PCDHA7: variants seen among roughly 807,000 people sequenced by gnomAD.
PCDHA7 encodes protocadherin alpha 7, also known as protocadherin alpha-7.
A neutral mutation model predicts 57.2 loss-of-function variants in PCDHA7; 37 were observed. The ratio of observed to expected loss-of-function variants is 0.65; its 90% CI spans 0.50 to 0.85. The LOEUF is 0.85. Ranked by LOEUF, PCDHA7 falls within the 40% of genes least tolerant of loss-of-function variation. The pLI, the probability that PCDHA7 is intolerant of heterozygous loss-of-function variation, is 0.00. For missense variants in PCDHA7, 1,188 were observed against 1,241.8 expected (o/e 0.96, Z 0.65); for synonymous variants, 553 against 558.8 (o/e 0.99, Z 0.15).
chr5:140,884,514 C>T (rs368331245), intron 1 of PCDHA7: 3 of 1,614,176 alleles, frequency 1.9e-6, no homozygotes, highest in African/African-American at 1.3e-5. Context: ...GGGAGTTGGT[C>T]GTACTCGCAG....
chr5:140,972,478 AC>A (rs2096537655), intron 1 of PCDHA7, among the ~76,000 whole-genome samples: 2 of 151,866 alleles, frequency 1.3e-5, no homozygotes, highest in Admixed American at 1.3e-4. Flanking sequence ...TCAGCATTTA[AC>A]CCCAGACTCT....
chr5:140,995,449 A>G (rs1279825778), intron 3 of PCDHA7, among the ~76,000 whole-genome samples: 18 of 152,120 alleles, frequency 1.2e-4, no homozygotes, highest in African/African-American at 3.9e-4. Flanking sequence ...AAACTTATGA[A>G]TTGTTTATTT....
Position 140,835,981 on chromosome 5 carries a change from T to C in PCDHA7, c.1598T>C (p.Phe533Ser). 1.2e-6 allele frequency: 2 copies of C among 1,613,332 alleles called. No homozygotes were observed. The highest frequency in any genetic ancestry group is 8.5e-7 in the Non-Finnish European group (1 of 1,179,702). ...LDHEELELLQ[F>S]QVSARDAGVP... is the part of the protein sequence containing the mutation. ...CACGAGGAGCTGGAGCTGTTGCAGTTCCAGGTGAGCGCGCGCGATGCGGGC... is the reference window on the plus strand; with the variant it reads ...CACGAGGAGCTGGAGCTGTTGCAGTCCCAGGTGAGCGCGCGCGATGCGGGC... Residue 533 changes from phenylalanine (F) to serine (S), a missense_variant, in exon 1 of 4, where the codon TTC (phenylalanine) becomes TCC (serine). By Grantham distance (155) the Phe-to-Ser change is radical. Coordinates refer to ENST00000525929, the MANE Select transcript of PCDHA7 (RefSeq NM_018910.3).
chr5:140,964,556 G>A (rs2095839745), intron 1 of PCDHA7, among the ~76,000 whole-genome samples: 1 of 152,166 alleles, frequency 6.6e-6, no homozygotes. Context: ...GCGACTTGGA[G>A]GGCTGGGAGG....
Position 140,850,144 on chromosome 5 carries a change from C to G in PCDHA7, c.2355+13406C>G. On this transcript the variant is annotated intron_variant, in intron 1 of 3. Transcript: ENST00000525929. ...GTGCCGCCTCTGGGCAGCAACGTGA[C>G]GCTGCAGGTGTTCGTGCTGGACGAG... The G allele has an allele frequency of 1.9e-6, 3 of 1,595,628 alleles. 1 individual carries two copies. In the African/African-American group the frequency reaches 4.0e-5, roughly 21 times the overall value.
intron 1 of PCDHA7, among the ~76,000 whole-genome samples, chr5:140,921,390 T>G (rs2080194479): frequency 6.6e-6 from 1 of 152,164 alleles, no homozygotes; most frequent in Non-Finnish European, 1.5e-5. Context: ...TTGATAAACA[T>G]TCACACTAGA....
chr5:141,007,779 C>T (rs1378096050), intron 3 of PCDHA7, among the ~76,000 whole-genome samples: 4 of 152,184 alleles, frequency 2.6e-5, no homozygotes, highest in African/African-American at 9.7e-5. Context: ...AATGGTACTG[C>T]TTTACAAATT....
At chr5:140,971,689 T>C (rs149234216) in intron 1 of PCDHA7, among the ~76,000 whole-genome samples, 1 of 152,306 alleles carries the variant, frequency 6.6e-6, no homozygotes, top group East Asian at 1.9e-4. Context: ...GAATTTGTAC[T>C]CACTAACCAC....
At chr5:140,865,628 G>A (rs2048940891) in intron 1 of PCDHA7, 1 of 152,162 alleles carries the variant, frequency 6.6e-6, no homozygotes, top group African/African-American at 2.4e-5. Flanking sequence ...TAGACATCAT[G>A]AAGGGACTTA....
Position 140,858,496 on chromosome 5 carries a change from C to T in PCDHA7, c.2355+21758C>T, listed in dbSNP as rs1554151697. 7 of 1,479,962 alleles carry T rather than the reference C, an allele frequency of 4.7e-6. 1 individual carries two copies. 91.7% of individuals were successfully genotyped at this position (1,479,962 alleles called of 1,614,324 possible). ...TTATGAATAATATTTTCTCTTACCG[C>T]ATTTTCTCAAATATGTATCAGAATA... is the stretch of plus-strand genomic sequence containing the variant. On this transcript the variant is annotated intron_variant, in intron 1 of 3. Transcript: ENST00000525929.
chr5:141,002,879 A>G (rs2098100373), intron 3 of PCDHA7, among the ~76,000 whole-genome samples: 1 of 152,228 alleles, frequency 6.6e-6, no homozygotes, highest in Non-Finnish European at 1.5e-5. Flanking sequence ...TCAAGAACAG[A>G]AAGAGAACAA....
rs1019135464 is a variant in PCDHA7, at chr5:140,897,033, A to G, written c.2355+60295A>G. On this transcript the variant is annotated intron_variant, in intron 1 of 3. Transcript: ENST00000525929. ...TATACAACTAAATTATTTAGACCAT[A>G]GTCACCCTATTCTGCTGTCAAATAC... Among the ~76,000 whole-genome samples, 4 of 152,124 alleles carry G rather than the reference A, an allele frequency of 2.6e-5. No homozygotes were observed. The East Asian group carries it at 7.7e-4, about 29-fold the overall frequency.
Position 140,924,836 on chromosome 5 carries a change from A to G in PCDHA7, c.2356-54113A>G, listed in dbSNP as rs182903893. ...CTTGAACCTGGGAGGGGGAGGTTGC[A>G]GGGAGCTCAGATCGTGCCACTGCAC... On this transcript the variant is annotated intron_variant, in intron 1 of 3. Coordinates refer to ENST00000525929, the MANE Select transcript of PCDHA7 (RefSeq NM_018910.3). Among the ~76,000 whole-genome samples, 1,210 of 151,808 alleles carry G rather than the reference A, an allele frequency of 8.0e-3. 6 individuals carry two copies. Among genetic ancestry groups the G allele is most frequent in the African/African-American group, 0.019 (780 of 41,292 alleles).
chr5:140,942,410 A>T (rs1047414912), intron 1 of PCDHA7, among the ~76,000 whole-genome samples: 3 of 142,238 alleles, frequency 2.1e-5, no homozygotes, highest in Non-Finnish European at 3.1e-5. Context: ...GACTCTGTTT[A>T]AAAAAAAAAA....
chr5:140,947,872 T>C (rs2094186307), intron 1 of PCDHA7, among the ~76,000 whole-genome samples: 1 of 151,588 alleles, frequency 6.6e-6, no homozygotes, highest in Admixed American at 6.6e-5. Context: ...GGCTAGGACT[T>C]CCAGGACAAT....
chr5:140,849,843 G>C (rs2150453087), intron 1 of PCDHA7: 3 of 1,598,500 alleles, frequency 1.9e-6, no homozygotes, highest in Non-Finnish European at 1.7e-6. Flanking sequence ...CGACGTGAAC[G>C]ACAACGCACC....
At chr5:140,978,914 C>A (rs2096828574) in intron 1 of PCDHA7, 35 bp from the exon 2 acceptor site, 10 of 1,613,852 alleles carry the variant, frequency 6.2e-6, no homozygotes, top group Non-Finnish European at 8.5e-6. Context: ...ATTGTCTTGT[C>A]ATTTTAACAG....
intron 1 of PCDHA7, chr5:140,841,123 T>C: frequency 1.6e-6 from 1 of 643,846 alleles, no homozygotes; most frequent in Non-Finnish European, 2.6e-6. Context: ...ATGTAATCAT[T>C]ACCTTTTGAA....
chr5:140,839,525 G>A (rs2150298665), intron 1 of PCDHA7, among the ~76,000 whole-genome samples: 9 of 151,898 alleles, frequency 5.9e-5, no homozygotes, highest in Admixed American at 1.3e-4. Context: ...AAGTTGCTGG[G>A]ACTATAGGCA....
Sources: allele counts gnomAD v4.1 joint callset (sites outside exome capture counted in the v4.1 genomes callset), GRCh38; gene constraint gnomAD v4.1.1; transcripts MANE v1.5; gene names NCBI Gene and HGNC (gene_info 2026-07-23, HGNC 2026-07-21).